Variants in ECE1 observed in about 807,000 individuals in gnomAD.
ECE1 encodes the protein endothelin converting enzyme 1, also known as endothelin-converting enzyme 1.
A neutral mutation model predicts 98.6 loss-of-function variants in ECE1; 35 were observed. That is an observed-to-expected ratio of 0.35 (90% CI 0.27 to 0.47). The LOEUF is 0.47. Ranked by LOEUF, ECE1 falls within the 20% of genes least tolerant of loss-of-function variation. ECE1 has a pLI of 1.00. For missense variants in ECE1, 814 were observed against 1,025.3 expected (o/e 0.79, Z 2.81); for synonymous variants, 394 against 407.1 (o/e 0.97, Z 0.39).
Position 21,258,855 on chromosome 1 carries a change from G to C in ECE1, c.616-16C>G. 1.2e-6 allele frequency: 2 copies of C among 1,614,054 alleles called. No homozygotes were observed. The highest frequency in any genetic ancestry group is 1.7e-6 in the Non-Finnish European group (2 of 1,179,998). Reference sequence around the variant, plus strand: ...AGCCCCCGAGCTGTGGGGAGGGAGAGCAGGCAGGGAGGTGATGAGGTGGCG... The same window carrying C: ...AGCCCCCGAGCTGTGGGGAGGGAGACCAGGCAGGGAGGTGATGAGGTGGCG... On this transcript the variant is annotated splice_polypyrimidine_tract_variant and intron_variant, in intron 5 of 18. Coordinates refer to ENST00000374893, the MANE Select transcript of ECE1 (RefSeq NM_001397.3). The surrounding 1 kb of genome is among the most constrained non-coding windows in gnomAD (Gnocchi z 4.2).
chr1:21,303,912 A>G (rs1185514996), intron 1 of ECE1, among the ~76,000 whole-genome samples: 1 of 151,938 alleles, frequency 6.6e-6, no homozygotes, highest in African/African-American at 2.4e-5. Flanking sequence ...CGACCTCCCA[A>G]AGTGTTGGGA....
At chr1:21,231,207 CA>C (rs1452116014) in intron 14 of ECE1, among the ~76,000 whole-genome samples, 1 of 152,148 alleles carries the variant, frequency 6.6e-6, no homozygotes, top group African/African-American at 2.4e-5. Context: ...AGGTATTTGG[CA>C]TTTCAATGAC....
At chr1:21,321,147 G>GT (rs920501989) in intron 1 of ECE1, among the ~76,000 whole-genome samples, 2 of 152,236 alleles carry the variant, frequency 1.3e-5, no homozygotes, top group Non-Finnish European at 2.9e-5. Flanking sequence ...CCCAGAGCTA[G>GT]TGCGTGGCGG....
At chr1:21,255,230 G>A (rs1431415878) in intron 8 of ECE1, among the ~76,000 whole-genome samples, 1 of 152,232 alleles carries the variant, frequency 6.6e-6, no homozygotes. Context: ...CCTCAGCAGA[G>A]AAGCAAGGCC....
rs747414373 is a variant in ECE1, at chr1:21,260,127, GCT to G, written c.615+142_615+143del. ...CACTCACATGTGCTCTCGCACACTC[GCT>G]CTCTCTCTTTCTGTCTTTCTCTTGG... On this transcript the variant is annotated intron_variant, in intron 5 of 18. Coordinates refer to ENST00000374893, the MANE Select transcript of ECE1 (RefSeq NM_001397.3). The surrounding 1 kb of genome is among the most constrained non-coding windows in gnomAD (Gnocchi z 4.3). 8 of 1,290,326 alleles carry G rather than the reference GCT, an allele frequency of 6.2e-6. No individual in the cohort carries two copies. The highest frequency in any genetic ancestry group is 3.6e-5 in the Admixed American group (2 of 56,168). 79.9% of individuals were successfully genotyped at this position (1,290,326 alleles called of 1,614,324 possible).
intron 14 of ECE1, among the ~76,000 whole-genome samples, chr1:21,232,099 T>C (rs2098182477): frequency 1.3e-5 from 2 of 152,110 alleles, no homozygotes; most frequent in South Asian, 2.1e-4. Flanking sequence ...GGTGTCCTGG[T>C]TGGAGGCTGG....
intron 10 of ECE1, chr1:21,238,455 T>A: frequency 1.6e-6 from 1 of 622,652 alleles, no homozygotes; most frequent in Non-Finnish European, 2.9e-6. Context: ...TGCCAGGCTC[T>A]GTGCTGGGAC....
At chr1:21,289,060 A>T (rs3026853) in intron 2 of ECE1, among the ~76,000 whole-genome samples, 87 of 152,254 alleles carry the variant, frequency 5.7e-4, no homozygotes, top group African/African-American at 2.0e-3. Flanking sequence ...TAAGAGGCGT[A>T]TCTGAGTGGA....
intron 10 of ECE1, among the ~76,000 whole-genome samples, chr1:21,244,341 C>T (rs967918608): frequency 1.3e-5 from 2 of 152,222 alleles, no homozygotes; most frequent in Non-Finnish European, 2.9e-5. Context: ...CTCAGTATTC[C>T]CGTACTGGGC....
chr1:21,227,105 C>A, intron 16 of ECE1, 54 bp downstream of exon 16: 1 of 1,583,186 alleles, frequency 6.3e-7, no homozygotes, highest in East Asian at 2.2e-5. Context: ...CAATCCTCCT[C>A]TTAAAGCACG....
chr1:21,226,430 T>A (rs1196830345), intron 16 of ECE1, among the ~76,000 whole-genome samples: 2 of 152,092 alleles, frequency 1.3e-5, no homozygotes, highest in African/African-American at 4.8e-5. Flanking sequence ...CTTCATATAA[T>A]CGGCAGGTGG....
At chr1:21,277,415 C>T (rs1354392663) in intron 3 of ECE1, among the ~76,000 whole-genome samples, 1 of 152,252 alleles carries the variant, frequency 6.6e-6, no homozygotes, top group Admixed American at 6.5e-5. Context: ...GTCTGGCCAG[C>T]TCCCGCTGCT....
chr1:21,218,028 C>T lies in ECE1; in HGVS notation c.*1927G>A, dbSNP rs1447891881. The T allele has an allele frequency of 3.9e-5, 6 of 152,442 alleles. No individual in the cohort carries two copies. Among genetic ancestry groups the T allele is most frequent in the Non-Finnish European group, 5.9e-5 (4 of 68,266 alleles). The allele number at this position is 152,442 out of a possible 1,614,324, so 9.4% of individuals were successfully genotyped here. A position where few individuals can be genotyped will look rare whatever the true frequency, so the allele number is the denominator to read the frequency against. ...GGAGGGCACGTGCTGCCCCCACCTC[C>T]GTCTCGGGGCCTGGCTTCCCCACTG... On this transcript the variant is annotated 3_prime_UTR_variant, in exon 19 of 19. Coordinates refer to ENST00000374893, the MANE Select transcript of ECE1 (RefSeq NM_001397.3). This position sits in a 1 kb window ranked among gnomAD's most constrained non-coding sequence, Gnocchi z 4.0.
intron 1 of ECE1, among the ~76,000 whole-genome samples, chr1:21,339,383 C>T (rs976481416): frequency 2.0e-5 from 3 of 152,184 alleles, no homozygotes; most frequent in African/African-American, 7.2e-5. Flanking sequence ...CCCAGGAAGG[C>T]CAAGTTTCTG....
chr1:21,326,224 G>C (rs1296762545), intron 1 of ECE1, among the ~76,000 whole-genome samples: 2 of 152,286 alleles, frequency 1.3e-5, no homozygotes, highest in Non-Finnish European at 2.9e-5. Context: ...ATGCGGGGGA[G>C]GGTGGGGAGG....
At chr1:21,254,207 A>G (rs2098216989) in intron 8 of ECE1, among the ~76,000 whole-genome samples, 1 of 152,212 alleles carries the variant, frequency 6.6e-6, no homozygotes, top group African/African-American at 2.4e-5. Flanking sequence ...CCAAATTCAC[A>G]TTAGAATTTA....
At chr1:21,317,512 G>A (rs557639397) in intron 1 of ECE1, among the ~76,000 whole-genome samples, 2 of 152,358 alleles carry the variant, frequency 1.3e-5, no homozygotes, top group African/African-American at 4.8e-5. Flanking sequence ...TGCAGCTCTG[G>A]GGATTGAGCA....
At chr1:21,339,137 G>A (rs747560966) in intron 1 of ECE1, among the ~76,000 whole-genome samples, 7 of 152,250 alleles carry the variant, frequency 4.6e-5, no homozygotes, top group South Asian at 4.1e-4. Context: ...ATCTCAGGGC[G>A]GGGGACTGGG....
intron 10 of ECE1, among the ~76,000 whole-genome samples, chr1:21,244,144 G>T (rs2098200119): frequency 6.6e-6 from 1 of 152,184 alleles, no homozygotes; most frequent in African/African-American, 2.4e-5. Context: ...GCTGCTGTCT[G>T]GGTTGGGGAA....
Sources: gnomAD v4.1 joint callset for allele counts (sites outside exome capture counted in the v4.1 genomes callset) on GRCh38, gnomAD v4.1.1 for gene constraint, Gnocchi (gnomAD v3.1) non-coding constraint, MANE v1.5 for transcripts, NCBI Gene and HGNC (gene_info 2026-07-23, HGNC 2026-07-21) for gene names.